Variants in SLC44A5 observed in about 807,000 individuals in gnomAD.
The protein encoded by SLC44A5 is solute carrier family 44 member 5.
Under a neutral mutation model 101.8 loss-of-function variants are expected in SLC44A5, and 57 were observed. That is an observed-to-expected ratio of 0.56 (90% CI 0.45 to 0.70). The LOEUF is 0.70. SLC44A5 is among the 30% of genes least tolerant of loss of function. The probability of loss-of-function intolerance (pLI) is 0.00; values close to 1 mark genes in which losing one functional copy is unlikely to be tolerated. For missense variants in SLC44A5, 737 were observed against 853.1 expected, an observed-to-expected ratio of 0.86 and a Z score of 1.70; for synonymous variants, 281 against 290.9, an observed-to-expected ratio of 0.97 and a Z score of 0.35.
intron 2 of SLC44A5, among the ~76,000 whole-genome samples, chr1:75,522,566 T>C (rs977558852): frequency 2.0e-5 from 3 of 152,064 alleles, no homozygotes; most frequent in Admixed American, 6.6e-5. Flanking sequence ...GCTGGTGGAT[T>C]AACTCCAGCA....
intron 3 of SLC44A5, among the ~76,000 whole-genome samples, chr1:75,353,059 G>A (rs1262947670): frequency 2.0e-5 from 3 of 152,054 alleles, no homozygotes; most frequent in African/African-American, 7.2e-5. Context: ...GATGATACGT[G>A]CTTTTTGCTC....
At chr1:75,378,835 GC>G (rs1660784912) in intron 3 of SLC44A5, among the ~76,000 whole-genome samples, 1 of 81,118 alleles carries the variant, frequency 1.2e-5, no homozygotes, top group Non-Finnish European at 2.1e-5. Flanking sequence ...ATCAATACTG[GC>G]CGCCGGCTGA....
At chr1:75,612,300 T>C (rs1279114141), upstream of SLC44A5, among the ~76,000 whole-genome samples, 2 of 152,056 alleles carry the variant, frequency 1.3e-5, no homozygotes, top group African/African-American at 2.4e-5. Context: ...TGGCTTCTCA[T>C]TGCACTTAAA....
the SLC44A5 span, among the ~76,000 whole-genome samples, chr1:75,628,658 A>G: frequency 6.6e-6 from 1 of 152,230 alleles, no homozygotes; most frequent in African/African-American, 2.4e-5. Context: ...TAGCATTCAA[A>G]CAAGAGAAAG....
At chr1:75,393,609 T>C (rs1016061576) in intron 3 of SLC44A5, among the ~76,000 whole-genome samples, 2 of 152,224 alleles carry the variant, frequency 1.3e-5, no homozygotes, top group African/African-American at 4.8e-5. Flanking sequence ...ATAAATTAGA[T>C]AAAATGTGAT....
At chr1:75,278,817 T>C (rs1652145680) in intron 5 of SLC44A5, among the ~76,000 whole-genome samples, 1 of 152,146 alleles carries the variant, frequency 6.6e-6, no homozygotes, top group South Asian at 2.1e-4. Context: ...TGAACAAATT[T>C]TAGCAAATTC....
intron 2 of SLC44A5, among the ~76,000 whole-genome samples, chr1:75,398,722 C>G (rs1211633076): frequency 6.6e-6 from 1 of 152,066 alleles, no homozygotes; most frequent in Non-Finnish European, 1.5e-5. Flanking sequence ...AAGCAAAGTT[C>G]ATATTTTGGC....
intron 1 of SLC44A5, chr1:75,582,565 A>G (rs1673758271): frequency 4.6e-6 from 2 of 437,402 alleles, no homozygotes; most frequent in African/African-American, 2.0e-5. Flanking sequence ...CAAAGTAGAG[A>G]TCTCCATCTG....
chr1:75,406,000 A>G (rs1662835457), intron 2 of SLC44A5, among the ~76,000 whole-genome samples: 1 of 152,158 alleles, frequency 6.6e-6, no homozygotes, highest in Non-Finnish European at 1.5e-5. Flanking sequence ...GAAGAATTAA[A>G]TAGATGCAAT....
At chr1:75,709,679 T>C in the SLC44A5 span, among the ~76,000 whole-genome samples, 2 of 152,254 alleles carry the variant, frequency 1.3e-5, no homozygotes, top group African/African-American at 2.4e-5. Flanking sequence ...CTATTCCTTC[T>C]ATAAATTCTA....
chr1:75,239,256 T>C (rs1310906601), intron 9 of SLC44A5, among the ~76,000 whole-genome samples: 2 of 152,104 alleles, frequency 1.3e-5, no homozygotes, highest in African/African-American at 4.8e-5. Flanking sequence ...GTATGATTTC[T>C]AAGAAAAGTA....
At chr1:75,683,020 G>A in the SLC44A5 span, among the ~76,000 whole-genome samples, 737 of 152,108 alleles carry the variant, frequency 4.8e-3, 5 homozygotes, top group Admixed American at 7.3e-3. Context: ...CACCATCACT[G>A]GCCATCAGAG....
intron 1 of SLC44A5, among the ~76,000 whole-genome samples, chr1:75,580,114 G>A (rs930504128): frequency 6.6e-6 from 1 of 151,324 alleles, no homozygotes; most frequent in African/African-American, 2.4e-5. Context: ...TTTCATTTAA[G>A]CACTTCTCAA....
At chr1:75,238,410 ATATG>A (rs1208183262) in intron 10 of SLC44A5, 99 bp downstream of exon 10, 2 of 300,824 alleles carry the variant, frequency 6.6e-6, no homozygotes, top group African/African-American at 4.8e-5. Context: ...ATATATATAT[ATATG>A]TGATTATTTT....
At chr1:75,682,849 C>G in the SLC44A5 span, among the ~76,000 whole-genome samples, 1 of 152,096 alleles carries the variant, frequency 6.6e-6, no homozygotes, top group Non-Finnish European at 1.5e-5. Context: ...TTTTCGCAAC[C>G]TACTCATCTG....
rs577529788 is a variant in SLC44A5, at chr1:75,352,131, A to T, written c.53-12501T>A. ...AGTTATCTACCTAAGGAAGGAAAAAACAAAGATAAATTCTGTGTTTTAAGA... is the reference window on the plus strand; with the variant it reads ...AGTTATCTACCTAAGGAAGGAAAAATCAAAGATAAATTCTGTGTTTTAAGA... On this transcript the variant is annotated intron_variant, in intron 3 of 23. Transcript: ENST00000370859. Among the ~76,000 whole-genome samples the T allele has an allele frequency of 2.0e-3, 302 of 152,102 alleles. 3 individuals are homozygous for T. Among genetic ancestry groups the T allele is most frequent in the Non-Finnish European group, 3.5e-3 (240 of 68,018 alleles).
chr1:75,218,796 A>T (rs1422883817), intron 16 of SLC44A5, 44 bp from the exon 17 acceptor site: 11 of 1,542,470 alleles, frequency 7.1e-6, no homozygotes, highest in Non-Finnish European at 8.8e-6. Context: ...ATTAAATATC[A>T]CTCCAAGATA....
rs189673678 is a variant in SLC44A5, at chr1:75,583,948, C to T, written c.-70+27092G>A. Among the ~76,000 whole-genome samples the T allele has an allele frequency of 1.6e-4, 24 of 152,328 alleles. No individual in the cohort carries two copies. The East Asian group carries it at 3.5e-3, about 22-fold the overall frequency. On this transcript the variant is annotated intron_variant, in intron 1 of 23. Coordinates refer to ENST00000370859, the MANE Select transcript of SLC44A5 (RefSeq NM_001130058.2). ...AGTAATTCCTATGGGGCTGGGTCAG[C>T]ACCAATCTCTGAAGTATGGAGGAGA... is the stretch of plus-strand genomic sequence containing the variant.
intron 2 of SLC44A5, among the ~76,000 whole-genome samples, chr1:75,403,751 C>T (rs750545281): frequency 6.6e-6 from 1 of 152,118 alleles, no homozygotes; most frequent in African/African-American, 2.4e-5. Context: ...AAAACCAGCA[C>T]AAAACGGCTG....
Sources: allele counts gnomAD v4.1 joint callset (sites outside exome capture counted in the v4.1 genomes callset), GRCh38; gene constraint gnomAD v4.1.1; transcripts MANE v1.5; gene names NCBI Gene and HGNC (gene_info 2026-07-23, HGNC 2026-07-21).